The following TRDMT1 variants were observed in gnomAD, a reference collection of about 807,000 sequenced individuals.
TRDMT1 encodes the protein tRNA (cytosine(38)-C(5))-methyltransferase.
TRDMT1 carries 49 observed loss-of-function variants against 51.2 expected under a neutral mutation model. That is an observed-to-expected ratio of 0.96 (90% CI 0.76 to 1.21). The LOEUF is 1.21. TRDMT1 is among the 50% of genes most tolerant of loss of function. The pLI is 0.00. For synonymous variants in TRDMT1, 187 were observed against 164.6 expected, an observed-to-expected ratio of 1.14 and a Z score of -1.04; for missense variants, 534 against 462.3, an observed-to-expected ratio of 1.16 and a Z score of -1.42.
chr10:17,151,793 T>A (rs1056526768), intron 10 of TRDMT1: 2 of 825,128 alleles, frequency 2.4e-6, no homozygotes, highest in South Asian at 5.5e-5. Context: ...ACATTATGTC[T>A]CAGATATTAG....
In TRDMT1 at chr10:17,174,668, G is replaced by C. The variant is rs746253129; in HGVS notation, c.65-8C>G. The C allele has an allele frequency of 1.3e-6, 2 of 1,592,808 alleles. No individual in the cohort carries two copies. The highest frequency in any genetic ancestry group is 2.2e-5 in the South Asian group (2 of 89,924). On this transcript the variant is annotated splice_region_variant and splice_polypyrimidine_tract_variant and intron_variant, in intron 1 of 10. Transcript: ENST00000377799. ...GTGCAGGTATACAGCTTTCTGTAAT[G>C]ATAAATGGAGTATCTTGAAAAGAAA...
chr10:17,162,033 G>T, intron 4 of TRDMT1, 133 bp downstream of exon 4: 1 of 773,414 alleles, frequency 1.3e-6, no homozygotes, highest in Non-Finnish European at 2.2e-6. Context: ...GGTAGGAGAA[G>T]ATAAATGACA....
intron 8 of TRDMT1, among the ~76,000 whole-genome samples, chr10:17,156,584 A>C (rs1299697300): frequency 6.6e-6 from 1 of 152,204 alleles, no homozygotes; most frequent in Non-Finnish European, 1.5e-5. Context: ...GTTTAAAAAA[A>C]TTAGTGAGAA....
chr10:17,153,987 A>C (rs1233335698), intron 9 of TRDMT1, among the ~76,000 whole-genome samples: 4 of 152,214 alleles, frequency 2.6e-5, no homozygotes, highest in Non-Finnish European at 5.9e-5. Flanking sequence ...CAATTTTACA[A>C]TAAAACAGGA....
chr10:17,152,062 T>C lies in TRDMT1; in HGVS notation c.1075+1445A>G, dbSNP rs185709173. 1.6e-5 allele frequency: 21 copies of C among 1,301,862 alleles called. No individual in the cohort carries two copies. The African/African-American group carries it at 2.7e-4, about 17-fold the overall frequency. 80.6% of individuals were successfully genotyped at this position (1,301,862 alleles called of 1,614,324 possible). A position where few individuals can be genotyped will look rare whatever the true frequency, so the allele number is the denominator to read the frequency against. ...GAATTCATTTTAATTGAATAGTTAA[T>C]CTCTTTTCTGTCTTCAAGAGTATGT... On this transcript the variant is annotated intron_variant, in intron 10 of 10. Coordinates refer to ENST00000377799, the MANE Select transcript of TRDMT1 (RefSeq NM_004412.7).
intron 1 of TRDMT1, among the ~76,000 whole-genome samples, chr10:17,185,555 G>A (rs1445766219): frequency 6.6e-6 from 1 of 152,088 alleles, no homozygotes; most frequent in Non-Finnish European, 1.5e-5. Flanking sequence ...TCCCATTACT[G>A]GGCATATACC....
intron 10 of TRDMT1, chr10:17,151,261 C>T: frequency 1.0e-6 from 1 of 967,450 alleles, no homozygotes; most frequent in Non-Finnish European, 1.2e-6. Context: ...TTTTAAAAAA[C>T]TTAGATACAT....
chr10:17,166,092 T>C (rs1841166206), intron 3 of TRDMT1, among the ~76,000 whole-genome samples: 1 of 152,112 alleles, frequency 6.6e-6, no homozygotes, highest in South Asian at 2.1e-4. Context: ...TGTGGCACTA[T>C]TCACAATAGC....
At chr10:17,184,944 C>G (rs545192432) in intron 1 of TRDMT1, among the ~76,000 whole-genome samples, 1 of 152,220 alleles carries the variant, frequency 6.6e-6, no homozygotes, top group African/African-American at 2.4e-5. Flanking sequence ...GTATTTCTTT[C>G]TCTCTTTCTC....
chr10:17,178,004 C>T (rs963958673), intron 1 of TRDMT1, among the ~76,000 whole-genome samples: 4 of 152,070 alleles, frequency 2.6e-5, no homozygotes, highest in African/African-American at 9.7e-5. Flanking sequence ...TAATATAATG[C>T]AGTTTGAAGT....
rs1837707420 is a variant in TRDMT1 at position 17,141,714 on chromosome 10, CTCTACTACT to C, written c.*7317_*7325del. Among the ~76,000 whole-genome samples, 3 of 152,178 alleles carry C rather than the reference CTCTACTACT, an allele frequency of 2.0e-5. No homozygotes were observed. The South Asian group carries it at 6.2e-4, about 32-fold the overall frequency. ...TGATTTCTATCTTCTGTCATTTCCT[CTCTACTACT>C]GATCTCAAGTTTAGCAAAAGATATA... On this transcript the variant is annotated 3_prime_UTR_variant, in exon 11 of 11. Transcript: ENST00000377799.
At chr10:17,153,198 G>A in intron 10 of TRDMT1, 1 of 432,830 alleles carries the variant, frequency 2.3e-6, no homozygotes, top group Non-Finnish European at 4.1e-6. Context: ...AAGAAAATAA[G>A]CTGGAAAGGG....
At chr10:17,158,235 G>T (rs577122225) in intron 7 of TRDMT1, among the ~76,000 whole-genome samples, 1 of 151,914 alleles carries the variant, frequency 6.6e-6, no homozygotes, top group Non-Finnish European at 1.5e-5. Flanking sequence ...AAAGAAAAGC[G>T]GTTTTCACTG....
chr10:17,162,531 A>G (rs1840538507), intron 3 of TRDMT1, among the ~76,000 whole-genome samples: 2 of 152,098 alleles, frequency 1.3e-5, no homozygotes, highest in Admixed American at 1.3e-4. Flanking sequence ...ACATGGCGAA[A>G]CCCTGTCTCT....
intron 10 of TRDMT1, chr10:17,150,394 T>C (rs1838532915): frequency 1.1e-5 from 11 of 985,280 alleles, no homozygotes; most frequent in Admixed American, 6.2e-5. Context: ...ACGGGTGTTT[T>C]TACACTCTGC....
chr10:17,182,803 T>A (rs913663802), intron 1 of TRDMT1, among the ~76,000 whole-genome samples: 5 of 152,138 alleles, frequency 3.3e-5, no homozygotes, highest in Admixed American at 2.6e-4. Context: ...GTCCTGAAAG[T>A]AAAACAGTTA....
chr10:17,201,461 G>GCCCCACAGTGTCCT, intron 1 of TRDMT1, 110 bp downstream of exon 1: 6 of 1,220,726 alleles, frequency 4.9e-6, no homozygotes, highest in Non-Finnish European at 6.9e-6. Flanking sequence ...CACAGTGTCC[G>GCCCCACAGTGTCCT]CCCCACAGTG....
At position 17,138,611 on chromosome 10, in the gene TRDMT1, C is replaced by T. The variant is rs1837491959; in HGVS notation, c.*10429G>A. On this transcript the variant is annotated 3_prime_UTR_variant, in exon 11 of 11. Coordinates refer to ENST00000377799, the MANE Select transcript of TRDMT1 (RefSeq NM_004412.7). ...ATAAAGCAGACATTTGTTCTCCATGCTCATTATTACAATGACTACAATTAT... is the reference window on the plus strand; with the variant it reads ...ATAAAGCAGACATTTGTTCTCCATGTTCATTATTACAATGACTACAATTAT... Among the ~76,000 whole-genome samples, 1 of 152,096 alleles carries T rather than the reference C, an allele frequency of 6.6e-6. No individual in the cohort carries two copies. Among genetic ancestry groups the T allele is most frequent in the African/African-American group, 2.4e-5 (1 of 41,392 alleles).
intron 1 of TRDMT1, among the ~76,000 whole-genome samples, chr10:17,179,990 G>GCCCTGAT (rs1843077734): frequency 6.6e-6 from 1 of 152,144 alleles, no homozygotes; most frequent in Admixed American, 6.6e-5. Context: ...AATCCCTAAA[G>GCCCTGAT]ACACTTTCTA....
Sources: gnomAD v4.1 joint callset for allele counts (sites outside exome capture counted in the v4.1 genomes callset) on GRCh38, gnomAD v4.1.1 for gene constraint, MANE v1.5 for transcripts, NCBI Gene and HGNC (gene_info 2026-07-23, HGNC 2026-07-21) for gene names.